The following VAV3 variants were observed in gnomAD, a reference collection of about 807,000 sequenced individuals.
VAV3 encodes the protein vav guanine nucleotide exchange factor 3, also known as guanine nucleotide exchange factor VAV3.
In VAV3, 94 loss-of-function variants were observed where a neutral mutation model predicts 131.2. That is an observed-to-expected ratio of 0.72 (90% CI 0.61 to 0.85). VAV3 has a LOEUF of 0.85. Among genes scored for constraint, VAV3 ranks in the 40% least tolerant of loss-of-function variants. The pLI is 0.00. For missense variants in VAV3, 939 were observed against 1,002.7 expected, an observed-to-expected ratio of 0.94 and a Z score of 0.86; for synonymous variants, 349 against 342.0, an observed-to-expected ratio of 1.02 and a Z score of -0.22.
intron 2 of VAV3, among the ~76,000 whole-genome samples, chr1:107,783,433 A>T (rs528292417): frequency 1.3e-5 from 2 of 152,268 alleles, no homozygotes; most frequent in South Asian, 4.1e-4. Context: ...AGTGTTCAGG[A>T]ATAGTAGCTG....
rs773476812 is a variant in VAV3, at chr1:107,964,777, G to A, written c.93C>T (p.Phe31=). 2 of 1,614,060 alleles carry A rather than the reference G, an allele frequency of 1.2e-6. No individual in the cohort carries two copies. The highest frequency in any genetic ancestry group is 1.7e-6 in the Non-Finnish European group (2 of 1,180,002). The change falls in exon 1 of 27, where the codon TTC becomes TTT. Residue 31 remains phenylalanine, a synonymous_variant. Coordinates refer to ENST00000370056, the MANE Select transcript of VAV3 (RefSeq NM_006113.5). Reference sequence around the variant, plus strand: ...CATCGCGGAGGGTCTGCGCAAGGTCGAACACCTGAGCCGAGTCCCAGGTCA... The same window carrying A: ...CATCGCGGAGGGTCTGCGCAAGGTCAAACACCTGAGCCGAGTCCCAGGTCA... ...HRVTWDSAQV[F]DLAQTLRDGV... is the part of the protein sequence containing the mutation.
chr1:107,842,606 G>A (rs1668773522), intron 2 of VAV3, among the ~76,000 whole-genome samples: 1 of 152,112 alleles, frequency 6.6e-6, no homozygotes, highest in Admixed American at 6.5e-5. Context: ...AAAGGTTTGA[G>A]GCAAGGTATG....
chr1:107,776,778 A>G (rs1665383374), intron 4 of VAV3, among the ~76,000 whole-genome samples: 2 of 152,188 alleles, frequency 1.3e-5, no homozygotes, highest in African/African-American at 2.4e-5. Flanking sequence ...GCCTCTCTTG[A>G]CTATTAAATA....
intron 1 of VAV3, among the ~76,000 whole-genome samples, chr1:107,938,422 T>G (rs756664825): frequency 4.7e-4 from 71 of 152,206 alleles, no homozygotes; most frequent in Non-Finnish European, 8.8e-4. Flanking sequence ...GTGGGTTTTT[T>G]GGGGGGCTAG....
At chr1:107,646,010 C>T (rs1020033970) in intron 19 of VAV3, among the ~76,000 whole-genome samples, 1 of 152,032 alleles carries the variant, frequency 6.6e-6, no homozygotes, top group African/African-American at 2.4e-5. Context: ...TACTGCCTTC[C>T]ATCTGGAATT....
intron 15 of VAV3, among the ~76,000 whole-genome samples, chr1:107,728,663 C>A (rs1662027545): frequency 1.0e-5 from 1 of 96,748 alleles, no homozygotes; most frequent in Non-Finnish European, 2.2e-5. Flanking sequence ...TGTGTAAAAC[C>A]GTGTCCCCAA....
At chr1:107,859,073 G>GTTTTTTTTTTTTTTTTTTTTT (rs576650255) in intron 2 of VAV3, among the ~76,000 whole-genome samples, 1 of 138,650 alleles carries the variant, frequency 7.2e-6, no homozygotes. Flanking sequence ...TTCTTGAGGA[G>GTTTTTTTTTTTTTTTTTTTTT]TTTTTTTTTT....
At chr1:107,894,679 T>C (rs959395928) in intron 1 of VAV3, among the ~76,000 whole-genome samples, 1 of 152,242 alleles carries the variant, frequency 6.6e-6, no homozygotes, top group African/African-American at 2.4e-5. Flanking sequence ...AAACGGCAGA[T>C]ATAAATATTA....
At chr1:107,674,749 C>A (rs1658071496) in intron 19 of VAV3, among the ~76,000 whole-genome samples, 1 of 152,178 alleles carries the variant, frequency 6.6e-6, no homozygotes, top group Non-Finnish European at 1.5e-5. Flanking sequence ...ATACTTAATC[C>A]CCTTCCCTGA....
intron 1 of VAV3, among the ~76,000 whole-genome samples, chr1:107,938,547 GC>G (rs1426988858): frequency 1.3e-5 from 2 of 152,172 alleles, no homozygotes; most frequent in Non-Finnish European, 2.9e-5. Context: ...AGAGCTTGCA[GC>G]CTAGGGACAT....
At chr1:107,619,816 G>A (rs189523250) in intron 20 of VAV3, among the ~76,000 whole-genome samples, 2 of 152,256 alleles carry the variant, frequency 1.3e-5, no homozygotes, top group African/African-American at 4.8e-5. Context: ...GTGTACAGGA[G>A]AATAAGTGAC....
chr1:107,719,939 C>G (rs148227894), intron 15 of VAV3, among the ~76,000 whole-genome samples: 15,879 of 152,134 alleles, frequency 0.1, 985 homozygotes, highest in East Asian at 0.25. Flanking sequence ...AACCATCATT[C>G]TGAGCAAACT....
intron 15 of VAV3, among the ~76,000 whole-genome samples, chr1:107,711,179 GTGA>G (rs539639972): frequency 1.0e-3 from 158 of 152,258 alleles, no homozygotes; most frequent in African/African-American, 3.8e-3. Flanking sequence ...ATATTTAAAA[GTGA>G]TAAAACTAAT....
At chr1:107,898,081 G>A (rs1671688157) in intron 1 of VAV3, among the ~76,000 whole-genome samples, 1 of 150,766 alleles carries the variant, frequency 6.6e-6, no homozygotes, top group Non-Finnish European at 1.5e-5. Context: ...ACTCCTTTGG[G>A]CAAAGAATGT....
intron 17 of VAV3, among the ~76,000 whole-genome samples, chr1:107,703,790 T>C (rs1660279021): frequency 6.6e-6 from 1 of 152,146 alleles, no homozygotes. Context: ...AAAGTTTTAC[T>C]GATTTTGAAA....
At chr1:107,749,110 TA>T in intron 14 of VAV3, 33 bp from the exon 15 acceptor site, 1 of 1,368,942 alleles carries the variant, frequency 7.3e-7, no homozygotes, top group Non-Finnish European at 1.0e-6. Flanking sequence ...GATTAATATG[TA>T]TCATTAATAA....
chr1:107,802,344 T>C (rs1435136461), intron 2 of VAV3, among the ~76,000 whole-genome samples: 1 of 152,142 alleles, frequency 6.6e-6, no homozygotes, highest in Non-Finnish European at 1.5e-5. Flanking sequence ...ATGGCCTTTA[T>C]TTCTTTCTCT....
At chr1:107,606,599 A>C (rs1652285473) in intron 22 of VAV3, among the ~76,000 whole-genome samples, 1 of 151,928 alleles carries the variant, frequency 6.6e-6, no homozygotes, top group Non-Finnish European at 1.5e-5. Context: ...AGCTTCTCTC[A>C]TATTATCCAT....
In VAV3 at chr1:107,926,729, G is replaced by A. The variant is rs185310582; in HGVS notation, c.204+37937C>T. ...ACCAGGCTGAACTCAGCTGAAGTCC[G>A]CCCATGAAGGGAGTATTTAAACCAG... On this transcript the variant is annotated intron_variant, in intron 1 of 26. Coordinates refer to ENST00000370056, the MANE Select transcript of VAV3 (RefSeq NM_006113.5). Among the ~76,000 whole-genome samples, 55 of 152,270 alleles carry A rather than the reference G, an allele frequency of 3.6e-4. 1 individual carries two copies. The highest frequency in any genetic ancestry group is 1.3e-3 in the African/African-American group (52 of 41,528).
Sources: gnomAD v4.1 joint callset for allele counts (sites outside exome capture counted in the v4.1 genomes callset) on GRCh38, gnomAD v4.1.1 for gene constraint, MANE v1.5 for transcripts, NCBI Gene and HGNC (gene_info 2026-07-23, HGNC 2026-07-21) for gene names.